EEF2K: variants seen among roughly 807,000 people sequenced by gnomAD.
The protein encoded by EEF2K is alternative protein EEF2K.
EEF2K carries 70 observed loss-of-function variants against 93.8 expected under a neutral mutation model. The ratio of observed to expected loss-of-function variants is 0.75; its 90% CI spans 0.62 to 0.91. The LOEUF is 0.91. Ranked by LOEUF, EEF2K falls within the 40% of genes least tolerant of loss-of-function variation. The pLI, the probability that EEF2K is intolerant of heterozygous loss-of-function variation, is 0.00. For synonymous variants in EEF2K, 376 were observed against 380.8 expected, an observed-to-expected ratio of 0.99 and a Z score of 0.15; for missense variants, 935 against 972.9, an observed-to-expected ratio of 0.96 and a Z score of 0.52.
intron 2 of EEF2K, among the ~76,000 whole-genome samples, chr16:22,241,538 A>G (rs2047221836): frequency 6.7e-6 from 1 of 148,492 alleles, no homozygotes; most frequent in African/African-American, 2.5e-5. Context: ...CCAGCTACTC[A>G]GGAGGCTGAG....
At chr16:22,214,094 C>T (rs1040353639) in intron 1 of EEF2K, among the ~76,000 whole-genome samples, 7 of 152,092 alleles carry the variant, frequency 4.6e-5, no homozygotes, top group Non-Finnish European at 7.4e-5. Flanking sequence ...TTTAGGGAGT[C>T]GGGGACTGGA....
chr16:22,257,186 G>A (rs1048210140), intron 7 of EEF2K, 67 bp from the exon 8 acceptor site: 190 of 1,607,224 alleles, frequency 1.2e-4, no homozygotes, highest in Admixed American at 6.9e-4. Flanking sequence ...GGGCAGAGGC[G>A]TGGCCAGTGC....
intron 1 of EEF2K, among the ~76,000 whole-genome samples, chr16:22,209,366 A>G (rs1385158055): frequency 6.6e-6 from 1 of 152,030 alleles, no homozygotes; most frequent in Non-Finnish European, 1.5e-5. Context: ...CTGTGGGGAG[A>G]GTCCCCAAAG....
chr16:22,233,876 C>T (rs557369932), intron 2 of EEF2K, among the ~76,000 whole-genome samples: 5 of 152,098 alleles, frequency 3.3e-5, no homozygotes, highest in African/African-American at 7.2e-5. Context: ...CTCAGCCTCC[C>T]GAGTAGCTGG....
intron 3 of EEF2K, 113 bp downstream of exon 3, chr16:22,244,843 A>T (rs538079675): frequency 4.7e-6 from 5 of 1,056,460 alleles, no homozygotes; most frequent in Non-Finnish European, 7.0e-6. Context: ...AGTAATCATA[A>T]CAGCAGCTAA....
Position 22,280,185 on chromosome 16 carries a change from A to G in EEF2K, c.1890-13A>G. ...TGGTAACCTCCACCTTTCCCTCTGTATCTCCTGGCAAGGTGCCAAGACTGG... is the reference window on the plus strand; with the variant it reads ...TGGTAACCTCCACCTTTCCCTCTGTGTCTCCTGGCAAGGTGCCAAGACTGG... On this transcript the variant is annotated splice_polypyrimidine_tract_variant and intron_variant, in intron 16 of 17. Coordinates refer to ENST00000263026, the MANE Select transcript of EEF2K (RefSeq NM_013302.5). 6.9e-7 allele frequency: 1 copy of G among 1,455,690 alleles called. No homozygotes were observed. The highest frequency in any genetic ancestry group is 9.1e-7 in the Non-Finnish European group (1 of 1,096,070). 90.2% of individuals were successfully genotyped at this position (1,455,690 alleles called of 1,614,324 possible).
chr16:22,262,482 C>T (rs1309784720), intron 11 of EEF2K, among the ~76,000 whole-genome samples: 1 of 152,110 alleles, frequency 6.6e-6, no homozygotes, highest in Non-Finnish European at 1.5e-5. Context: ...TGCACTCCAG[C>T]CAGTGTGACA....
chr16:22,236,914 T>A (rs955267944), intron 2 of EEF2K, among the ~76,000 whole-genome samples: 5 of 150,942 alleles, frequency 3.3e-5, no homozygotes, highest in African/African-American at 1.2e-4. Context: ...TTCCTTTTTT[T>A]ATGAAATATC....
intron 15 of EEF2K, among the ~76,000 whole-genome samples, chr16:22,271,126 C>T (rs763902091): frequency 1.3e-5 from 2 of 151,740 alleles, no homozygotes; most frequent in African/African-American, 2.4e-5. Flanking sequence ...TGCACCACCA[C>T]GCCTGGCTAA....
At chr16:22,233,201 G>C (rs575811951) in intron 2 of EEF2K, among the ~76,000 whole-genome samples, 1 of 152,106 alleles carries the variant, frequency 6.6e-6, no homozygotes, top group Non-Finnish European at 1.5e-5. Context: ...AAACTCGCAC[G>C]TACACATACA....
chr16:22,270,622 T>C (rs1210001304), intron 15 of EEF2K, among the ~76,000 whole-genome samples: 1 of 152,152 alleles, frequency 6.6e-6, no homozygotes, highest in African/African-American at 2.4e-5. Context: ...GAGCTATTGA[T>C]GGACACTTGG....
At chr16:22,216,242 C>G (rs1477386868) in intron 1 of EEF2K, among the ~76,000 whole-genome samples, 3 of 152,302 alleles carry the variant, frequency 2.0e-5, no homozygotes, top group African/African-American at 7.2e-5. Flanking sequence ...CCAGGTGCAG[C>G]CCTCAACAGC....
At chr16:22,260,256 C>T (rs1483351223) in intron 10 of EEF2K, among the ~76,000 whole-genome samples, 2 of 152,100 alleles carry the variant, frequency 1.3e-5, no homozygotes, top group Non-Finnish European at 2.9e-5. Context: ...ATGTAGCTGG[C>T]AAACAGCAGA....
intron 17 of EEF2K, among the ~76,000 whole-genome samples, chr16:22,281,847 G>T (rs1159557092): frequency 3.3e-5 from 5 of 152,052 alleles, no homozygotes; most frequent in Admixed American, 3.3e-4. Context: ...CCATTGTGTG[G>T]ATATACAGCC....
At chr16:22,208,385 T>C (rs1406408973) in intron 1 of EEF2K, among the ~76,000 whole-genome samples, 9 of 151,972 alleles carry the variant, frequency 5.9e-5, no homozygotes, top group Admixed American at 3.9e-4. Context: ...TAGCTGGGCA[T>C]GTTGGCATGA....
chr16:22,222,485 A>C (rs1405038810), intron 1 of EEF2K, among the ~76,000 whole-genome samples: 1 of 151,538 alleles, frequency 6.6e-6, no homozygotes, highest in East Asian at 1.9e-4. Context: ...CTGGGATTAC[A>C]GACATGAACC....
At chr16:22,258,437 C>A (rs1462925525) in intron 9 of EEF2K, 57 bp from the exon 10 acceptor site, 25 of 1,564,664 alleles carry the variant, frequency 1.6e-5, no homozygotes, top group Non-Finnish European at 2.1e-5. Context: ...ACAGGAAGAG[C>A]CCTTTAATTC....
rs769482109 is a variant in EEF2K, at chr16:22,244,715, G to A, written c.332G>A (p.Arg111His). ...CACCTGGAAGATATTGCCACCGAAC[G>A]TGCTACTCGACACAGGTCAGCAGCT... is the stretch of plus-strand genomic sequence containing the variant. ...EFHLEDIATE[R>H]ATRHRYNAVT... The change falls in exon 3 of 18, where the codon CGT (arginine) becomes CAT (histidine). Residue 111 changes from arginine (R) to histidine (H), a missense_variant. Coordinates refer to ENST00000263026, the MANE Select transcript of EEF2K (RefSeq NM_013302.5). The A allele has an allele frequency of 1.1e-5, 17 of 1,613,916 alleles. No individual in the cohort carries two copies. The highest frequency in any genetic ancestry group is 2.2e-5 in the East Asian group (1 of 44,872).
chr16:22,225,880 A>G lies in EEF2K; in HGVS notation c.151A>G (p.Asn51Asp). ...PITDDPSSNQ[N>D]VNSKVNKYYS... ...CACGGATGACCCAAGCTCGAACCAG[A>G]ATGTCAATTCCAAGGTTAATAAGTA... is the stretch of plus-strand genomic sequence containing the variant. The change falls in exon 2 of 18, where the codon AAT (asparagine) becomes GAT (aspartate). Residue 51 changes from asparagine (N) to aspartate (D), a missense_variant. Physicochemically the swap from Asn to Asp is conservative, Grantham distance 23 (BLOSUM62 1). Transcript: ENST00000263026. 6.2e-7 allele frequency: 1 copy of G among 1,614,184 alleles called. No homozygotes were observed.
Sources: gnomAD v4.1 joint callset for allele counts (sites outside exome capture counted in the v4.1 genomes callset) on GRCh38, gnomAD v4.1.1 for gene constraint, MANE v1.5 for transcripts, NCBI Gene and HGNC (gene_info 2026-07-23, HGNC 2026-07-21) for gene names.